CTNNA3: variants seen among roughly 807,000 people sequenced by gnomAD.
The protein encoded by CTNNA3 is catenin alpha 3, also known as catenin alpha-3.
In CTNNA3, 76 loss-of-function variants were observed where a neutral mutation model predicts 95.7. That is an observed-to-expected ratio of 0.79 (90% CI 0.66 to 0.96). The LOEUF is 0.96. CTNNA3 is among the 40% of genes least tolerant of loss of function. The pLI is 0.00. For synonymous variants in CTNNA3, 431 were observed against 374.4 expected (o/e 1.15, Z -1.74); for missense variants, 1,191 against 1,089.8 (o/e 1.09, Z -1.31).
intron 2 of CTNNA3, among the ~76,000 whole-genome samples, chr10:67,643,830 A>G (rs1839616752): frequency 6.6e-6 from 1 of 152,066 alleles, no homozygotes; most frequent in South Asian, 2.1e-4. Flanking sequence ...GATGGTTTCC[A>G]GCTTCATCCA....
intron 7 of CTNNA3, among the ~76,000 whole-genome samples, chr10:66,996,575 C>A (rs1401425949): frequency 1.5e-5 from 2 of 133,924 alleles, no homozygotes; most frequent in Non-Finnish European, 3.0e-5. Flanking sequence ...TTGAACCCAG[C>A]AGGTAGAGGT....
intron 5 of CTNNA3, among the ~76,000 whole-genome samples, chr10:67,420,788 T>C (rs999166576): frequency 1.2e-4 from 19 of 152,194 alleles, no homozygotes; most frequent in South Asian, 4.1e-4. Flanking sequence ...GCACAAAGTA[T>C]TGTTATACGA....
intron 13 of CTNNA3, among the ~76,000 whole-genome samples, chr10:66,265,918 T>C (rs1282920539): frequency 6.6e-6 from 1 of 152,010 alleles, no homozygotes; most frequent in East Asian, 1.9e-4. Flanking sequence ...GTCTTATCTA[T>C]CTCCATATGG....
intron 9 of CTNNA3, among the ~76,000 whole-genome samples, chr10:66,759,748 T>C (rs961460011): frequency 1.3e-4 from 20 of 152,196 alleles, no homozygotes; most frequent in African/African-American, 4.8e-4. Flanking sequence ...TAGATTAAGA[T>C]GGGCTTCAAA....
At chr10:66,259,779 T>C (rs1047889951) in intron 13 of CTNNA3, among the ~76,000 whole-genome samples, 4 of 152,174 alleles carry the variant, frequency 2.6e-5, no homozygotes, top group African/African-American at 7.2e-5. Context: ...CATGTCTGTA[T>C]TTGTGTAAAA....
chr10:67,365,466 A>T (rs2132683813), intron 5 of CTNNA3, among the ~76,000 whole-genome samples: 1 of 152,346 alleles, frequency 6.6e-6, no homozygotes, highest in South Asian at 2.1e-4. Flanking sequence ...AACATTTTGC[A>T]ATCTACCCAT....
intron 7 of CTNNA3, among the ~76,000 whole-genome samples, chr10:66,848,099 C>G (rs562276870): frequency 3.9e-5 from 6 of 151,906 alleles, no homozygotes; most frequent in Non-Finnish European, 7.4e-5. Flanking sequence ...GAAACAGCAG[C>G]GGATTATCAT....
At chr10:66,036,114 G>C (rs1021897127) in intron 15 of CTNNA3, among the ~76,000 whole-genome samples, 1 of 152,006 alleles carries the variant, frequency 6.6e-6, no homozygotes, top group Non-Finnish European at 1.5e-5. Flanking sequence ...CTGACCCCCA[G>C]TTCTCTAGAG....
intron 1 of CTNNA3, among the ~76,000 whole-genome samples, chr10:67,741,319 AT>A (rs1407846534): frequency 2.0e-5 from 3 of 148,984 alleles, no homozygotes; most frequent in South Asian, 2.2e-4. Context: ...TAATAAAAAA[AT>A]AAAAAAATAA....
intron 15 of CTNNA3, among the ~76,000 whole-genome samples, chr10:65,997,223 A>G (rs1275778515): frequency 1.3e-5 from 2 of 152,216 alleles, no homozygotes; most frequent in East Asian, 3.9e-4. Context: ...TCTAGCATTC[A>G]CTTAAAAGGA....
chr10:66,449,061 A>T (rs1460214072), intron 11 of CTNNA3, among the ~76,000 whole-genome samples: 1 of 152,214 alleles, frequency 6.6e-6, no homozygotes, highest in East Asian at 1.9e-4. Context: ...TGAAGAAATA[A>T]TGACACCCAT....
chr10:66,827,208 C>G (rs1390120736), intron 7 of CTNNA3, among the ~76,000 whole-genome samples: 2 of 152,160 alleles, frequency 1.3e-5, no homozygotes, highest in African/African-American at 4.8e-5. Context: ...TCCTCCACTG[C>G]TGACTTGTGT....
At chr10:66,070,962 C>A (rs1302979640) in intron 14 of CTNNA3, among the ~76,000 whole-genome samples, 9 of 151,860 alleles carry the variant, frequency 5.9e-5, no homozygotes, top group Admixed American at 1.3e-4. Flanking sequence ...CTAGAGAATT[C>A]TGGTCCTTTT....
intron 3 of CTNNA3, among the ~76,000 whole-genome samples, chr10:67,579,290 G>A (rs1284210397): frequency 7.0e-6 from 1 of 143,184 alleles, no homozygotes; most frequent in Non-Finnish European, 1.5e-5. Flanking sequence ...ACCTATGAGT[G>A]AGAACATGCG....
intron 9 of CTNNA3, among the ~76,000 whole-genome samples, chr10:66,763,947 A>C (rs1839732908): frequency 6.6e-6 from 1 of 152,172 alleles, no homozygotes; most frequent in African/African-American, 2.4e-5. Flanking sequence ...CACACGAGAA[A>C]CCTTAAGCAA....
At chr10:66,364,850 G>A (rs898954864) in intron 12 of CTNNA3, among the ~76,000 whole-genome samples, 3 of 152,020 alleles carry the variant, frequency 2.0e-5, no homozygotes, top group Non-Finnish European at 4.4e-5. Context: ...GATACTTATG[G>A]CAATGGTTAC....
chr10:66,438,246 G>A (rs1409269557), intron 11 of CTNNA3, among the ~76,000 whole-genome samples: 1 of 152,210 alleles, frequency 6.6e-6, no homozygotes, highest in Admixed American at 6.5e-5. Context: ...ATCCACTGCT[G>A]TCTTCAGAGC....
chr10:66,928,127 C>A (rs747748916), intron 7 of CTNNA3: 2 of 1,613,948 alleles, frequency 1.2e-6, no homozygotes, highest in South Asian at 1.1e-5. Context: ...GCCACAGAGC[C>A]CGGCCCAGAG....
intron 11 of CTNNA3, among the ~76,000 whole-genome samples, chr10:66,428,889 G>C (rs1209644588): frequency 6.6e-6 from 1 of 152,034 alleles, no homozygotes; most frequent in Admixed American, 6.6e-5. Context: ...CAGAAGGCAA[G>C]AAATAACTAA....
Sources: allele counts gnomAD v4.1 joint callset (sites outside exome capture counted in the v4.1 genomes callset), GRCh38; gene constraint gnomAD v4.1.1; transcripts MANE v1.5; gene names NCBI Gene and HGNC (gene_info 2026-07-23, HGNC 2026-07-21).